Variants in ZNF346 observed in about 807,000 individuals in gnomAD.
The protein encoded by ZNF346 is double-stranded RNA-binding zinc finger protein JAZ.
ZNF346 carries 23 observed loss-of-function variants against 33.7 expected under a neutral mutation model. The ratio of observed to expected loss-of-function variants is 0.68; its 90% CI spans 0.49 to 0.97. The LOEUF is 0.97. ZNF346 is among the 50% of genes least tolerant of loss of function. ZNF346 has a pLI of 0.00. For missense variants in ZNF346, 340 were observed against 371.1 expected (o/e 0.92, Z 0.69); for synonymous variants, 134 against 142.4 (o/e 0.94, Z 0.42).
intron 4 of ZNF346, among the ~76,000 whole-genome samples, chr5:177,048,529 G>C (rs1226452877): frequency 2.6e-5 from 4 of 152,112 alleles, no homozygotes; most frequent in African/African-American, 7.2e-5. Flanking sequence ...ACTGAAGCAG[G>C]AGAATCGCTT....
chr5:177,062,280 A>G (rs1032064237), intron 6 of ZNF346, 129 bp downstream of exon 6: 5 of 714,342 alleles, frequency 7.0e-6, no homozygotes, highest in Admixed American at 2.5e-5. Context: ...CAGAAGATGA[A>G]TCATGTAACA....
intron 8 of ZNF346, among the ~76,000 whole-genome samples, chr5:177,078,528 T>C (rs1783856279): frequency 6.6e-6 from 1 of 152,036 alleles, no homozygotes; most frequent in Non-Finnish European, 1.5e-5. Flanking sequence ...ATGCCTGGAG[T>C]CCCAGCTAAT....
chr5:177,052,001 T>C (rs937198954), intron 5 of ZNF346: 1 of 152,022 alleles, frequency 6.6e-6, no homozygotes. Context: ...CCATCTCTAC[T>C]AAAAATTTTA....
At chr5:177,038,851 T>C (rs957009466) in intron 1 of ZNF346, among the ~76,000 whole-genome samples, 8 of 145,482 alleles carry the variant, frequency 5.5e-5, no homozygotes, top group Admixed American at 3.5e-4. Context: ...GACCCTCTTT[T>C]TTTTCTTCTT....
chr5:177,028,496 T>TTATATATAGATATATATATATATATA (rs1777164069), intron 1 of ZNF346, among the ~76,000 whole-genome samples: 1 of 90,540 alleles, frequency 1.1e-5, no homozygotes, highest in African/African-American at 5.8e-5. Flanking sequence ...TTGTGACGTT[T>TTATATATAGATATATATATATATATA]TATATATATA....
chr5:177,034,656 T>C (rs1778222767), intron 1 of ZNF346, among the ~76,000 whole-genome samples: 1 of 152,228 alleles, frequency 6.6e-6, no homozygotes. Context: ...CTCTGCCCCA[T>C]ACATCTTTTA....
intron 4 of ZNF346, among the ~76,000 whole-genome samples, chr5:177,048,769 G>GTTTTTTCTT (rs1562003813): frequency 1.4e-5 from 2 of 146,948 alleles, no homozygotes; most frequent in Non-Finnish European, 3.0e-5. Flanking sequence ...TGTGTAACTT[G>GTTTTTTCTT]TTTTTTTCTT....
intron 8 of ZNF346, among the ~76,000 whole-genome samples, chr5:177,078,858 G>A (rs58343966): frequency 6.6e-6 from 1 of 151,926 alleles, no homozygotes; most frequent in African/African-American, 2.4e-5. Context: ...GCAGTGAGCC[G>A]AGATCATGCC....
chr5:177,068,322 A>C (rs188814988), downstream of ZNF346, among the ~76,000 whole-genome samples: 400 of 144,400 alleles, frequency 2.8e-3, 9 homozygotes, highest in Non-Finnish European at 1.7e-3. Flanking sequence ...TAGAAACCCA[A>C]ATCAAAGCGA....
intron 4 of ZNF346, among the ~76,000 whole-genome samples, chr5:177,047,655 G>A (rs987061816): frequency 6.6e-6 from 1 of 152,106 alleles, no homozygotes; most frequent in Non-Finnish European, 1.5e-5. Context: ...ACCGGCACCT[G>A]CCACCACGCC....
At position 177,022,737 on chromosome 5, in the gene ZNF346, A is replaced by G. The variant is rs758551259; in HGVS notation, c.-2A>G. The G allele has an allele frequency of 3.6e-5, 56 of 1,551,130 alleles. No individual in the cohort carries two copies. Among genetic ancestry groups the G allele is most frequent in the Middle Eastern group, 3.4e-4 (2 of 5,854 alleles). Reference sequence around the variant, plus strand: ...CTCTACCGGTGAGGGTTTGCGGGGAAGATGGAGTATCCCGCGCCGGCCACG... The same window carrying G: ...CTCTACCGGTGAGGGTTTGCGGGGAGGATGGAGTATCCCGCGCCGGCCACG... On this transcript the variant is annotated 5_prime_UTR_variant, in exon 1 of 7. Transcript: ENST00000358149.
chr5:177,060,943 TA>T (rs1382975682), intron 5 of ZNF346, among the ~76,000 whole-genome samples: 1 of 151,832 alleles, frequency 6.6e-6, no homozygotes, highest in African/African-American at 2.4e-5. Context: ...ACCCCATCTC[TA>T]CTAAAAATAC....
intron 8 of ZNF346, among the ~76,000 whole-genome samples, chr5:177,075,597 G>A (rs984093256): frequency 3.9e-5 from 6 of 152,122 alleles, no homozygotes; most frequent in Non-Finnish European, 5.9e-5. Context: ...GGTCACTGCA[G>A]CCTCGATCTC....
intron 5 of ZNF346, among the ~76,000 whole-genome samples, chr5:177,055,802 G>A (rs570988502): frequency 2.4e-4 from 37 of 151,980 alleles, no homozygotes; most frequent in African/African-American, 8.9e-4. Context: ...TTGGCCGGGT[G>A]CAGTGGCTCA....
At chr5:177,074,765 TCAGA>T in intron 8 of ZNF346, among the ~76,000 whole-genome samples, 1 of 152,034 alleles carries the variant, frequency 6.6e-6, no homozygotes, top group East Asian at 1.9e-4. Flanking sequence ...GGCAGTTAGG[TCAGA>T]CAGAGGAGGG....
intron 5 of ZNF346, among the ~76,000 whole-genome samples, chr5:177,057,225 C>T (rs552941884): frequency 3.3e-5 from 5 of 151,684 alleles, no homozygotes; most frequent in Admixed American, 6.6e-5. Context: ...ACCCGGGAGG[C>T]GGCGGTTGCA....
At chr5:177,054,753 A>G (rs1781441777) in intron 5 of ZNF346, among the ~76,000 whole-genome samples, 1 of 152,106 alleles carries the variant, frequency 6.6e-6, no homozygotes, top group African/African-American at 2.4e-5. Context: ...AACTGAAACC[A>G]TAGAAAGCAA....
At chr5:177,037,196 T>A (rs143246228) in intron 1 of ZNF346, among the ~76,000 whole-genome samples, 3 of 152,208 alleles carry the variant, frequency 2.0e-5, no homozygotes, top group Non-Finnish European at 2.9e-5. Flanking sequence ...GTACTCACTT[T>A]GTTTTATATT....
At chr5:177,038,279 GTT>G (rs1778831024) in intron 1 of ZNF346, among the ~76,000 whole-genome samples, 6 of 122,696 alleles carry the variant, frequency 4.9e-5, no homozygotes, top group Non-Finnish European at 7.2e-5. Flanking sequence ...GTGTGTGTGT[GTT>G]TTTTAATTTT....
Sources: allele counts gnomAD v4.1 joint callset (sites outside exome capture counted in the v4.1 genomes callset), GRCh38; gene constraint gnomAD v4.1.1; transcripts MANE v1.5; gene names NCBI Gene and HGNC (gene_info 2026-07-23, HGNC 2026-07-21).